Variants in ADAMTS19 observed in about 807,000 individuals in gnomAD.
ADAMTS19 encodes A disintegrin and metalloproteinase with thrombospondin motifs 19.
Under a neutral mutation model 153.3 loss-of-function variants are expected in ADAMTS19, and 93 were observed. That is an observed-to-expected ratio of 0.61 (90% confidence interval 0.51 to 0.72). ADAMTS19 has a LOEUF of 0.72. Ranked by LOEUF, ADAMTS19 falls within the 30% of genes least tolerant of loss-of-function variation. The probability of loss-of-function intolerance (pLI) is 0.00; values close to 1 mark genes in which losing one functional copy is unlikely to be tolerated. For missense variants in ADAMTS19, 1,482 were observed against 1,552.1 expected (o/e 0.95, Z 0.76); for synonymous variants, 600 against 556.6 (o/e 1.08, Z -1.10).
intron 8 of ADAMTS19, among the ~76,000 whole-genome samples, chr5:129,611,976 A>G (rs917718824): frequency 3.4e-4 from 51 of 151,422 alleles, no homozygotes; most frequent in Non-Finnish European, 6.2e-4. Context: ...AATCTATTTT[A>G]TTTTATTATT....
At chr5:129,514,577 T>A (rs532847689) in intron 3 of ADAMTS19, among the ~76,000 whole-genome samples, 2 of 152,318 alleles carry the variant, frequency 1.3e-5, no homozygotes, top group East Asian at 3.9e-4. Context: ...ATTTGCCATT[T>A]GTATGTCTTC....
At chr5:129,711,790 A>G (rs1171607239) in intron 21 of ADAMTS19, among the ~76,000 whole-genome samples, 2 of 152,258 alleles carry the variant, frequency 1.3e-5, no homozygotes, top group African/African-American at 4.8e-5. Flanking sequence ...TAAATAAAGA[A>G]AATCAAATAT....
intron 8 of ADAMTS19, among the ~76,000 whole-genome samples, chr5:129,597,158 A>T (rs193287631): frequency 3.3e-5 from 5 of 152,298 alleles, no homozygotes; most frequent in Admixed American, 3.3e-4. Flanking sequence ...ATGTCTCAGG[A>T]ACAGTTATAA....
intron 10 of ADAMTS19, among the ~76,000 whole-genome samples, chr5:129,628,821 C>T (rs1309608579): frequency 6.6e-6 from 1 of 152,012 alleles, no homozygotes; most frequent in Admixed American, 6.6e-5. Context: ...ACATGCTATA[C>T]AGGTTTGTAG....
At chr5:129,709,542 C>CA (rs1405150355) in intron 21 of ADAMTS19, among the ~76,000 whole-genome samples, 2 of 151,826 alleles carry the variant, frequency 1.3e-5, no homozygotes, top group African/African-American at 4.8e-5. Context: ...TAAAAAAGTT[C>CA]AAAAAAAGTA....
intron 2 of ADAMTS19, among the ~76,000 whole-genome samples, chr5:129,472,819 A>C (rs1458313714): frequency 6.7e-6 from 1 of 150,166 alleles, no homozygotes; most frequent in Admixed American, 6.7e-5. Context: ...TTATCTATAC[A>C]TTATATTATT....
intron 2 of ADAMTS19, among the ~76,000 whole-genome samples, chr5:129,490,029 A>G (rs545166959): frequency 2.6e-5 from 4 of 152,322 alleles, no homozygotes; most frequent in African/African-American, 9.6e-5. Context: ...AGAATAGTAA[A>G]TTTAATTAAC....
intron 2 of ADAMTS19, chr5:129,500,610 A>G (rs1221003068): frequency 2.0e-5 from 3 of 152,152 alleles, no homozygotes; most frequent in African/African-American, 7.2e-5. Flanking sequence ...TGCAAAATAG[A>G]ACACAGACAG....
At chr5:129,545,966 G>A (rs1011656863) in intron 6 of ADAMTS19, among the ~76,000 whole-genome samples, 3 of 149,200 alleles carry the variant, frequency 2.0e-5, no homozygotes, top group Non-Finnish European at 4.4e-5. Flanking sequence ...ATTCACAATA[G>A]CAAAGACTTG....
At chr5:129,548,418 A>G (rs1752942304) in intron 6 of ADAMTS19, among the ~76,000 whole-genome samples, 1 of 152,044 alleles carries the variant, frequency 6.6e-6, no homozygotes, top group African/African-American at 2.4e-5. Flanking sequence ...CAAAAAACAC[A>G]TGAAAAATGC....
chr5:129,506,387 G>T (rs1751269075), intron 2 of ADAMTS19, among the ~76,000 whole-genome samples: 1 of 151,778 alleles, frequency 6.6e-6, no homozygotes, highest in South Asian at 2.1e-4. Flanking sequence ...ATTCCAACTT[G>T]TTTTTTCCTT....
At chr5:129,573,412 T>A (rs995393072) in intron 7 of ADAMTS19, among the ~76,000 whole-genome samples, 1 of 152,060 alleles carries the variant, frequency 6.6e-6, no homozygotes, top group Non-Finnish European at 1.5e-5. Context: ...ACGCATCACA[T>A]TTCAGTATGC....
At position 129,680,766 on chromosome 5, in the gene ADAMTS19, A is replaced by G. The variant is rs1293551480; in HGVS notation, c.2664+845A>G. On this transcript the variant is annotated intron_variant, in intron 17 of 22. Transcript: ENST00000274487. ...GACAGAGGGAGACTCTGTCTCAAAA[A>G]AAAAAAAAACAAAAAAAAAAACTGG... Among the ~76,000 whole-genome samples the G allele has an allele frequency of 4.8e-5, 7 of 146,432 alleles. No individual in the cohort carries two copies. In the East Asian group the frequency reaches 1.5e-3, roughly 32 times the overall value.
chr5:129,530,722 T>C (rs992437729), intron 6 of ADAMTS19, among the ~76,000 whole-genome samples: 13 of 152,010 alleles, frequency 8.6e-5, no homozygotes, highest in African/African-American at 2.9e-4. Flanking sequence ...AAACTGAACA[T>C]TTTCTCCTTA....
chr5:129,724,571 G>A (rs1283832214), intron 21 of ADAMTS19, among the ~76,000 whole-genome samples: 1 of 152,146 alleles, frequency 6.6e-6, no homozygotes, highest in Non-Finnish European at 1.5e-5. Context: ...GTAAATACCC[G>A]AGGTTTGTTG....
At chr5:129,643,391 A>G (rs1752910828) in intron 11 of ADAMTS19, among the ~76,000 whole-genome samples, 1 of 151,366 alleles carries the variant, frequency 6.6e-6, no homozygotes, top group Non-Finnish European at 1.5e-5. Context: ...AAAAAAGAAA[A>G]AAAAAAGAAA....
chr5:129,625,744 A>AT (rs1752006046), intron 10 of ADAMTS19, among the ~76,000 whole-genome samples: 1 of 151,902 alleles, frequency 6.6e-6, no homozygotes, highest in African/African-American at 2.4e-5. Flanking sequence ...TGGATATTAT[A>AT]CCTTTGTCAG....
At chr5:129,669,918 G>A (rs1167800853) in intron 16 of ADAMTS19, among the ~76,000 whole-genome samples, 1 of 151,752 alleles carries the variant, frequency 6.6e-6, no homozygotes, top group Non-Finnish European at 1.5e-5. Flanking sequence ...TCCCTTTGTG[G>A]TCAGAGAAGA....
At chr5:129,592,377 CAAAAAAAAAAAA>C (rs1169388973) in intron 7 of ADAMTS19, among the ~76,000 whole-genome samples, 1 of 79,584 alleles carries the variant, frequency 1.3e-5, no homozygotes, top group Admixed American at 1.6e-4. Flanking sequence ...GTCTCCGTTT[CAAAAAAAAAAAA>C]AAAAAAAAAA....
Sources: gnomAD v4.1 joint callset for allele counts (sites outside exome capture counted in the v4.1 genomes callset) on GRCh38, gnomAD v4.1.1 for gene constraint, MANE v1.5 for transcripts, NCBI Gene and HGNC (gene_info 2026-07-23, HGNC 2026-07-21) for gene names.